The following MEI4 variants were observed in gnomAD, a reference collection of about 807,000 sequenced individuals.
MEI4 encodes the protein meiosis-specific protein MEI4.
Under a neutral mutation model 31.4 loss-of-function variants are expected in MEI4, and 27 were observed. The observed-to-expected ratio is 0.86, with a 90% CI of 0.63 to 1.19. The LOEUF (loss-of-function observed/expected upper bound fraction) is 1.19. Among genes scored for constraint, MEI4 ranks in the 50% most tolerant of loss-of-function variants. The probability of loss-of-function intolerance (pLI) is 0.00; values close to 1 mark genes in which losing one functional copy is unlikely to be tolerated. For missense variants in MEI4, 329 were observed against 398.9 expected (o/e 0.82, Z 1.49); for synonymous variants, 122 against 145.4 (o/e 0.84, Z 1.16).
At chr6:77,878,947 G>A (rs1771412723) in intron 4 of MEI4, among the ~76,000 whole-genome samples, 2 of 152,076 alleles carry the variant, frequency 1.3e-5, no homozygotes, top group Non-Finnish European at 2.9e-5. Flanking sequence ...GAAATTTCAT[G>A]AGGTTTGCAT....
rs181209488 is a variant in MEI4 at position 77,704,623 on chromosome 6, G to A, written c.232+13720G>A. Among the ~76,000 whole-genome samples, 19 of 152,174 alleles carry A rather than the reference G, an allele frequency of 1.2e-4. No individual in the cohort carries two copies. In the East Asian group the frequency reaches 2.7e-3, roughly 22 times the overall value. ...TGTTAAGAATCAGAAATTCTAAGTG[G>A]GGCTCAGCAGTTTGTGGCTTAACAG... is the stretch of plus-strand genomic sequence containing the variant. On this transcript the variant is annotated intron_variant, in intron 2 of 4. Coordinates refer to ENST00000684080, the MANE Select transcript of MEI4 (RefSeq NM_001322247.2).
At chr6:77,863,955 C>G (rs1201457997) in intron 4 of MEI4, among the ~76,000 whole-genome samples, 1 of 152,070 alleles carries the variant, frequency 6.6e-6, no homozygotes, top group Admixed American at 6.6e-5. Context: ...AATTTTGAAC[C>G]CAGAATTTCA....
intron 2 of MEI4, among the ~76,000 whole-genome samples, chr6:77,746,647 G>T (rs1195568969): frequency 1.0e-5 from 1 of 98,260 alleles, no homozygotes; most frequent in East Asian, 5.5e-4. Context: ...GCGTGTGTGT[G>T]TGTGTGTGTG....
At chr6:77,658,393 A>G (rs988381777) in intron 1 of MEI4, among the ~76,000 whole-genome samples, 6 of 152,196 alleles carry the variant, frequency 3.9e-5, no homozygotes, top group African/African-American at 1.4e-4. Flanking sequence ...CAATTACTTT[A>G]GGCCATCTGG....
intron 3 of MEI4, among the ~76,000 whole-genome samples, chr6:77,828,636 T>A (rs1770011518): frequency 6.6e-6 from 1 of 152,146 alleles, no homozygotes; most frequent in Non-Finnish European, 1.5e-5. Flanking sequence ...TGATTTATCA[T>A]CTCCTTTATT....
intron 3 of MEI4, among the ~76,000 whole-genome samples, chr6:77,810,780 A>G (rs766527492): frequency 1.3e-5 from 2 of 152,130 alleles, no homozygotes; most frequent in Non-Finnish European, 2.9e-5. Flanking sequence ...AATAACATGC[A>G]TTTTTCAGGC....
intron 2 of MEI4, among the ~76,000 whole-genome samples, chr6:77,755,367 G>A (rs1257980014): frequency 1.3e-5 from 2 of 152,074 alleles, no homozygotes; most frequent in African/African-American, 4.8e-5. Context: ...GGGATCCAGT[G>A]TGTAAGAGGG....
chr6:77,770,471 C>G (rs1299580073), intron 3 of MEI4, among the ~76,000 whole-genome samples: 1 of 151,606 alleles, frequency 6.6e-6, no homozygotes, highest in Admixed American at 6.6e-5. Context: ...CTATTCCTGT[C>G]AAAATACCAA....
intron 2 of MEI4, among the ~76,000 whole-genome samples, chr6:77,750,933 A>T (rs1767754373): frequency 6.6e-6 from 1 of 152,114 alleles, no homozygotes; most frequent in Non-Finnish European, 1.5e-5. Context: ...CTCAGACCAC[A>T]GTGCAAATTA....
chr6:77,743,530 A>G (rs1249767799), intron 2 of MEI4, among the ~76,000 whole-genome samples: 1 of 152,152 alleles, frequency 6.6e-6, no homozygotes, highest in African/African-American at 2.4e-5. Flanking sequence ...GGCTGAGATG[A>G]CGGGGTTTTC....
At chr6:77,695,803 A>C (rs977465969) in intron 2 of MEI4, among the ~76,000 whole-genome samples, 11 of 152,168 alleles carry the variant, frequency 7.2e-5, no homozygotes, top group South Asian at 6.2e-4. Flanking sequence ...CTGTGAAGAA[A>C]GTCATTGGTA....
intron 2 of MEI4, among the ~76,000 whole-genome samples, chr6:77,709,125 CAT>C (rs1265669511): frequency 2.0e-5 from 3 of 152,090 alleles, no homozygotes; most frequent in Admixed American, 6.5e-5. Flanking sequence ...TCAATTTTCT[CAT>C]ATTAGGAGAG....
At chr6:77,829,839 A>G (rs1342764557) in intron 4 of MEI4, among the ~76,000 whole-genome samples, 2 of 152,150 alleles carry the variant, frequency 1.3e-5, no homozygotes, top group Non-Finnish European at 2.9e-5. Flanking sequence ...TTGTATATGT[A>G]TGTAATTTAA....
intron 2 of MEI4, among the ~76,000 whole-genome samples, chr6:77,743,505 C>G (rs1767480279): frequency 6.6e-6 from 1 of 152,094 alleles, no homozygotes; most frequent in African/African-American, 2.4e-5. Flanking sequence ...TGCTTATCAG[C>G]TTAAGGAGAT....
intron 4 of MEI4, among the ~76,000 whole-genome samples, chr6:77,907,398 T>G (rs975677668): frequency 6.6e-6 from 1 of 152,178 alleles, no homozygotes; most frequent in Non-Finnish European, 1.5e-5. Context: ...TTTGGTTTTT[T>G]GTCCTTGTGA....
At chr6:77,845,095 G>T (rs987652058) in intron 4 of MEI4, among the ~76,000 whole-genome samples, 2 of 151,886 alleles carry the variant, frequency 1.3e-5, no homozygotes, top group East Asian at 1.9e-4. Flanking sequence ...GGTGACTTTC[G>T]ATGTCTTCAG....
intron 4 of MEI4, among the ~76,000 whole-genome samples, chr6:77,862,135 C>A (rs899471685): frequency 6.6e-6 from 1 of 151,806 alleles, no homozygotes; most frequent in Non-Finnish European, 1.5e-5. Context: ...CAGCTCCCAA[C>A]GTGAGTGACG....
chr6:77,837,549 T>C (rs1770249733), intron 4 of MEI4, among the ~76,000 whole-genome samples: 1 of 152,204 alleles, frequency 6.6e-6, no homozygotes, highest in African/African-American at 2.4e-5. Context: ...GGATTAACTG[T>C]GGTCTATGAG....
rs9448258 is a variant in MEI4, at chr6:77,923,399, G to A, written c.*53G>A. ...TGAAGCATAATAAAGTAGAATATAT[G>A]AAAATCTCATACTGAAAAGATTTTC... On this transcript the variant is annotated 3_prime_UTR_variant, in exon 5 of 5. Coordinates refer to ENST00000684080, the MANE Select transcript of MEI4 (RefSeq NM_001322247.2). 29,126 of 1,195,370 alleles carry A rather than the reference G, an allele frequency of 0.024. 3,258 individuals are homozygous for A. In the African/African-American group the frequency reaches 0.31, roughly 13 times the overall value. 74.0% of individuals were successfully genotyped at this position (1,195,370 alleles called of 1,614,324 possible).
Sources: gnomAD v4.1 joint callset for allele counts (sites outside exome capture counted in the v4.1 genomes callset) on GRCh38, gnomAD v4.1.1 for gene constraint, MANE v1.5 for transcripts, NCBI Gene and HGNC (gene_info 2026-07-23, HGNC 2026-07-21) for gene names.